The following LRRC8D variants were observed in gnomAD, a reference collection of about 807,000 sequenced individuals.
The protein encoded by LRRC8D is volume-regulated anion channel subunit LRRC8D.
In LRRC8D, 20 loss-of-function variants were observed where a neutral mutation model predicts 55.8. The ratio of observed to expected loss-of-function variants is 0.36; its 90% CI spans 0.25 to 0.52. The LOEUF (loss-of-function observed/expected upper bound fraction) is 0.52, where lower values mean the gene tolerates loss of function less well. LRRC8D is among the 20% of genes least tolerant of loss of function. The pLI is 0.93. For missense variants in LRRC8D, 651 were observed against 1,030.8 expected, an observed-to-expected ratio of 0.63 and a Z score of 5.05; for synonymous variants, 352 against 377.0, an observed-to-expected ratio of 0.93 and a Z score of 0.77.
At chr1:89,889,090 G>C (rs1366448899) in intron 2 of LRRC8D, among the ~76,000 whole-genome samples, 1 of 152,164 alleles carries the variant, frequency 6.6e-6, no homozygotes, top group Non-Finnish European at 1.5e-5. Flanking sequence ...CTAGTCTGGT[G>C]AGCAAGGTTA....
At chr1:89,900,345 T>A (rs1159853023) in intron 2 of LRRC8D, among the ~76,000 whole-genome samples, 1 of 151,576 alleles carries the variant, frequency 6.6e-6, no homozygotes, top group African/African-American at 2.4e-5. Flanking sequence ...AAATGACTTT[T>A]GGGTACAGTG....
intron 2 of LRRC8D, among the ~76,000 whole-genome samples, chr1:89,917,797 T>C (rs1663312172): frequency 6.6e-6 from 1 of 152,190 alleles, no homozygotes; most frequent in African/African-American, 2.4e-5. Context: ...AATATGAGTA[T>C]AGGGCCTTGG....
intron 2 of LRRC8D, among the ~76,000 whole-genome samples, chr1:89,867,778 C>T (rs1055823351): frequency 1.3e-5 from 2 of 152,052 alleles, no homozygotes; most frequent in Admixed American, 6.6e-5. Flanking sequence ...GGATGTAGAA[C>T]ATCTTTTCAT....
intron 2 of LRRC8D, among the ~76,000 whole-genome samples, chr1:89,887,891 C>T (rs1442795348): frequency 6.6e-6 from 1 of 152,148 alleles, no homozygotes; most frequent in African/African-American, 2.4e-5. Context: ...GATTAGGGAG[C>T]CACAGGGTGG....
chr1:89,897,546 C>T (rs1662742616), intron 2 of LRRC8D, among the ~76,000 whole-genome samples: 1 of 152,174 alleles, frequency 6.6e-6, no homozygotes, highest in Admixed American at 6.5e-5. Flanking sequence ...ACATATTGCA[C>T]AATCTTAATC....
At chr1:89,859,728 T>C (rs1310494453) in intron 2 of LRRC8D, among the ~76,000 whole-genome samples, 4 of 152,222 alleles carry the variant, frequency 2.6e-5, no homozygotes, top group Non-Finnish European at 1.5e-5. Context: ...TTGTGATAAT[T>C]CCTCTATGTT....
chr1:89,847,927 C>A (rs1661320525), intron 2 of LRRC8D, among the ~76,000 whole-genome samples: 1 of 152,184 alleles, frequency 6.6e-6, no homozygotes, highest in Non-Finnish European at 1.5e-5. Context: ...AGCCTACAGA[C>A]CTCTTGCAGT....
At chr1:89,881,885 T>A (rs1662294735) in intron 2 of LRRC8D, among the ~76,000 whole-genome samples, 1 of 152,162 alleles carries the variant, frequency 6.6e-6, no homozygotes, top group Non-Finnish European at 1.5e-5. Flanking sequence ...GGCTATGAAG[T>A]AAGAGATGGA....
chr1:89,824,224 A>T lies in LRRC8D; in HGVS notation c.-148+2933A>T, dbSNP rs1660712252. 3.9e-5 allele frequency among the ~76,000 whole-genome samples: 6 copies of T among 152,188 alleles called. No individual in the cohort carries two copies. In the South Asian group the frequency reaches 1.2e-3, roughly 32 times the overall value. ...GATAGTGCCTGCCCTTAGATCTCAG[A>T]ATAGGTCTTGAAGGGAGGTGGTTCT... On this transcript the variant is annotated intron_variant, in intron 1 of 2. Transcript: ENST00000337338.
intron 2 of LRRC8D, among the ~76,000 whole-genome samples, chr1:89,923,813 TAACA>T (rs1663484259): frequency 6.6e-6 from 1 of 151,982 alleles, no homozygotes; most frequent in Non-Finnish European, 1.5e-5. Flanking sequence ...AAGTCGACAG[TAACA>T]AACAATGGGG....
At chr1:89,862,193 G>T (rs1334581275) in intron 2 of LRRC8D, among the ~76,000 whole-genome samples, 1 of 152,168 alleles carries the variant, frequency 6.6e-6, no homozygotes, top group Non-Finnish European at 1.5e-5. Flanking sequence ...GAGATCAGAA[G>T]AGTGAAGTGA....
intron 2 of LRRC8D, among the ~76,000 whole-genome samples, chr1:89,882,634 G>A (rs985744354): frequency 6.6e-6 from 1 of 152,160 alleles, no homozygotes; most frequent in African/African-American, 2.4e-5. Flanking sequence ...TTCATTATTT[G>A]TATGTCAAAC....
intron 2 of LRRC8D, among the ~76,000 whole-genome samples, chr1:89,883,367 C>T (rs1387620126): frequency 1.3e-5 from 2 of 151,982 alleles, no homozygotes; most frequent in Non-Finnish European, 2.9e-5. Flanking sequence ...ATCTGATCTT[C>T]GTTGGATTAA....
chr1:89,827,505 A>G (rs1660793682), intron 1 of LRRC8D, among the ~76,000 whole-genome samples: 1 of 152,212 alleles, frequency 6.6e-6, no homozygotes, highest in African/African-American at 2.4e-5. Context: ...ATGTTTGGAC[A>G]TTGCTGCTAG....
intron 2 of LRRC8D, among the ~76,000 whole-genome samples, chr1:89,845,106 G>A (rs888552352): frequency 6.6e-6 from 1 of 152,114 alleles, no homozygotes; most frequent in African/African-American, 2.4e-5. Context: ...AAGGAGTCAG[G>A]GTTAGGTGTA....
intron 2 of LRRC8D, among the ~76,000 whole-genome samples, chr1:89,924,407 CA>C (rs796785788): frequency 4.4e-4 from 67 of 152,232 alleles, no homozygotes; most frequent in African/African-American, 1.6e-3. Flanking sequence ...ATTAAAAAGT[CA>C]AAAAACACCA....
intron 2 of LRRC8D, among the ~76,000 whole-genome samples, chr1:89,928,027 A>C (rs1663611819): frequency 1.3e-5 from 2 of 152,210 alleles, no homozygotes; most frequent in Non-Finnish European, 2.9e-5. Flanking sequence ...CTCTGCCTAC[A>C]AGGAGCTCAA....
rs1557493139 is a variant in LRRC8D, at chr1:89,935,845, C to CG, written c.*200_*201insG. The CG allele has an allele frequency of 1.2e-3, 507 of 437,776 alleles. 2 individuals carry two copies. Among genetic ancestry groups the CG allele is most frequent in the African/African-American group, 7.0e-3 (331 of 47,472 alleles). 27.1% of individuals were successfully genotyped at this position (437,776 alleles called of 1,614,324 possible). On this transcript the variant is annotated 3_prime_UTR_variant, in exon 3 of 3. Transcript: ENST00000337338. Reference sequence around the variant, plus strand: ...GGTTTTAAGTCATTCATTTCCAAATCATTTTTTTTTTTCTTTTGGGGAAAG... The same window carrying CG: ...GGTTTTAAGTCATTCATTTCCAAATCGATTTTTTTTTTTCTTTTGGGGAAAG...
At chr1:89,885,932 A>G (rs1662407332) in intron 2 of LRRC8D, among the ~76,000 whole-genome samples, 2 of 152,188 alleles carry the variant, frequency 1.3e-5, no homozygotes, top group South Asian at 2.1e-4. Flanking sequence ...TCTTGGACCT[A>G]TAGACAAATG....
Sources: allele counts gnomAD v4.1 joint callset (sites outside exome capture counted in the v4.1 genomes callset), GRCh38; gene constraint gnomAD v4.1.1; transcripts MANE v1.5; gene names NCBI Gene and HGNC (gene_info 2026-07-23, HGNC 2026-07-21).